Variants in AGAP1 observed in about 807,000 individuals in gnomAD.
AGAP1 encodes the protein ArfGAP with GTPase domain, ankyrin repeat and PH domain 1.
In AGAP1, 29 loss-of-function variants were observed where a neutral mutation model predicts 105.3. That is an observed-to-expected ratio of 0.28 (90% CI 0.21 to 0.38). The LOEUF (loss-of-function observed/expected upper bound fraction) is 0.38, where lower values mean the gene tolerates loss of function less well. AGAP1 is among the 10% of genes least tolerant of loss of function. The pLI is 1.00. For missense variants in AGAP1, 998 were observed against 1,165.1 expected, an observed-to-expected ratio of 0.86 and a Z score of 2.09; for synonymous variants, 509 against 485.9, an observed-to-expected ratio of 1.05 and a Z score of -0.63.
chr2:235,998,455 C>T (rs1030593062), intron 13 of AGAP1, among the ~76,000 whole-genome samples: 3 of 152,128 alleles, frequency 2.0e-5, no homozygotes, highest in Non-Finnish European at 2.9e-5. Flanking sequence ...CCCTATCTTA[C>T]CCCTGAAAGC....
At position 235,620,211 on chromosome 2, in the gene AGAP1, C is replaced by G. The variant is rs185113816; in HGVS notation, c.164-88968C>G. On this transcript the variant is annotated intron_variant, in intron 1 of 17. Coordinates refer to ENST00000304032, the MANE Select transcript of AGAP1 (RefSeq NM_001037131.3). This position sits in a 1 kb window ranked among gnomAD's most constrained non-coding sequence, Gnocchi z 4.5. Reference sequence around the variant, plus strand: ...GCTGGGCTGTGCCTTCAAAGTATATCCAGGATGCAGTGGCTTCCTGAGCCA... The same window carrying G: ...GCTGGGCTGTGCCTTCAAAGTATATGCAGGATGCAGTGGCTTCCTGAGCCA... Among the ~76,000 whole-genome samples the G allele has an allele frequency of 1.6e-3, 248 of 152,302 alleles. No homozygotes were observed. The highest frequency in any genetic ancestry group is 2.5e-3 in the Non-Finnish European group (172 of 68,030).
At chr2:235,834,503 C>T (rs1959880366) in intron 9 of AGAP1, among the ~76,000 whole-genome samples, 1 of 152,234 alleles carries the variant, frequency 6.6e-6, no homozygotes, top group South Asian at 2.1e-4. Flanking sequence ...AGCAGGAGGG[C>T]AGAGCCCTGT....
At position 235,553,643 on chromosome 2, in the gene AGAP1, G is replaced by A. The variant is rs181199675; in HGVS notation, c.163+58794G>A. ...CCTGGTCCCTGGTGACCCAGGTACAGTTTACGTCTGGAGCCAGCATTTGGA... is the reference window on the plus strand; with the variant it reads ...CCTGGTCCCTGGTGACCCAGGTACAATTTACGTCTGGAGCCAGCATTTGGA... On this transcript the variant is annotated intron_variant, in intron 1 of 17. Coordinates refer to ENST00000304032, the MANE Select transcript of AGAP1 (RefSeq NM_001037131.3). The surrounding 1 kb of genome is among the most constrained non-coding windows in gnomAD (Gnocchi z 4.5). 1.3e-4 allele frequency among the ~76,000 whole-genome samples: 20 copies of A among 152,182 alleles called. No homozygotes were observed. The highest frequency in any genetic ancestry group is 4.3e-4 in the African/African-American group (18 of 41,510).
chr2:235,833,785 C>G (rs1959756885), intron 9 of AGAP1, among the ~76,000 whole-genome samples: 1 of 150,898 alleles, frequency 6.6e-6, no homozygotes, highest in Non-Finnish European at 1.5e-5. Context: ...TTTATGAATA[C>G]ATGTGTATAA....
chr2:235,501,232 A>C (rs1426861223), intron 1 of AGAP1, among the ~76,000 whole-genome samples: 1 of 152,192 alleles, frequency 6.6e-6, no homozygotes, highest in African/African-American at 2.4e-5. Context: ...GACATTGCCA[A>C]GAGAATCTGG....
rs564961909 is a variant in AGAP1 at position 235,690,777 on chromosome 2, C to A, written c.164-18402C>A. 1.4e-4 allele frequency among the ~76,000 whole-genome samples: 21 copies of A among 152,212 alleles called. No individual in the cohort carries two copies. Among genetic ancestry groups the A allele is most frequent in the African/African-American group, 4.8e-4 (20 of 41,546 alleles). On this transcript the variant is annotated intron_variant, in intron 1 of 17. Transcript: ENST00000304032. The surrounding 1 kb of genome is among the most constrained non-coding windows in gnomAD (Gnocchi z 4.1). ...TTTTTGTTGCTTTTACGGTTATCTT[C>A]GGGTAAAGTCATTGTGTTTCTTCTT...
In AGAP1 at chr2:235,883,601, T is replaced by C. The variant is rs748500162; in HGVS notation, c.1155+152T>C. On this transcript the variant is annotated intron_variant, in intron 10 of 17. Coordinates refer to ENST00000304032, the MANE Select transcript of AGAP1 (RefSeq NM_001037131.3). This position sits in a 1 kb window ranked among gnomAD's most constrained non-coding sequence, Gnocchi z 4.5. Reference sequence around the variant, plus strand: ...CTCAACTGTGAGATAAATAACCCTGTTCCTCACACTCCACTAGACCATATG... The same window carrying C: ...CTCAACTGTGAGATAAATAACCCTGCTCCTCACACTCCACTAGACCATATG... 1.6e-6 allele frequency: 1 copy of C among 613,698 alleles called. No individual in the cohort carries two copies. Among genetic ancestry groups the C allele is most frequent in the Non-Finnish European group, 2.9e-6 (1 of 346,674 alleles). 38.0% of individuals were successfully genotyped at this position (613,698 alleles called of 1,614,324 possible).
At chr2:235,681,801 C>T (rs970766707) in intron 1 of AGAP1, among the ~76,000 whole-genome samples, 4 of 147,594 alleles carry the variant, frequency 2.7e-5, no homozygotes, top group South Asian at 2.2e-4. Context: ...CTGTTTTTCA[C>T]GTGTGTATAC....
chr2:235,975,258 T>C (rs1284301026), intron 13 of AGAP1, among the ~76,000 whole-genome samples: 4 of 152,126 alleles, frequency 2.6e-5, no homozygotes, highest in African/African-American at 9.7e-5. Flanking sequence ...ACCTGAGGAC[T>C]TTTTTTTATT....
At chr2:235,949,005 G>A (rs780880819) in intron 12 of AGAP1, among the ~76,000 whole-genome samples, 6 of 152,168 alleles carry the variant, frequency 3.9e-5, no homozygotes, top group Admixed American at 6.5e-5. Context: ...TAGATTAAGC[G>A]AATTATAATT....
Position 235,642,627 on chromosome 2 carries a change from G to A in AGAP1, c.164-66552G>A, listed in dbSNP as rs1017777048. ...CACCCTGGAAGGCAGGCCAGCCTCC[G>A]CTCTCCACACCAGCTTGGGGATGAA... On this transcript the variant is annotated intron_variant, in intron 1 of 17. Transcript: ENST00000304032. This position sits in a 1 kb window ranked among gnomAD's most constrained non-coding sequence, Gnocchi z 4.1. Among the ~76,000 whole-genome samples the A allele has an allele frequency of 1.3e-5, 2 of 152,104 alleles. No homozygotes were observed. Among genetic ancestry groups the A allele is most frequent in the East Asian group, 1.9e-4 (1 of 5,180 alleles).
Position 236,097,741 on chromosome 2 carries a change from C to T in AGAP1, c.2115-22451C>T, listed in dbSNP as rs1454780567. On this transcript the variant is annotated intron_variant, in intron 16 of 17. Coordinates refer to ENST00000304032, the MANE Select transcript of AGAP1 (RefSeq NM_001037131.3). ...AGTGGTGCTCAGTACATTGACATTG[C>T]TGCGCAACCATCACGACCATCCATC... Among the ~76,000 whole-genome samples, 4 of 152,108 alleles carry T rather than the reference C, an allele frequency of 2.6e-5. No individual in the cohort carries two copies. The East Asian group carries it at 7.7e-4, about 29-fold the overall frequency.
chr2:235,639,189 A>G lies in AGAP1; in HGVS notation c.164-69990A>G, dbSNP rs1947110969. On this transcript the variant is annotated intron_variant, in intron 1 of 17. Coordinates refer to ENST00000304032, the MANE Select transcript of AGAP1 (RefSeq NM_001037131.3). This position sits in a 1 kb window ranked among gnomAD's most constrained non-coding sequence, Gnocchi z 5.3. ...ATGATAGTGGCCCACAGGTTGAGAG[A>G]GGGGATGGGTTCAGCTTTGGCCATG... Among the ~76,000 whole-genome samples the G allele has an allele frequency of 1.3e-5, 2 of 152,042 alleles. No homozygotes were observed. The highest frequency in any genetic ancestry group is 4.8e-5 in the African/African-American group (2 of 41,394).
rs767177040 is a variant in AGAP1, at chr2:235,864,066, A to C, written c.1051-19279A>C. 2.0e-5 allele frequency among the ~76,000 whole-genome samples: 3 copies of C among 152,240 alleles called. No homozygotes were observed. The highest frequency in any genetic ancestry group is 6.5e-5 in the Admixed American group (1 of 15,294). ...GCCTGGTGTGCTCGGTTTTGACTCTATAGATCTGACTTGAATGCGCAAGCG... is the reference window on the plus strand; with the variant it reads ...GCCTGGTGTGCTCGGTTTTGACTCTCTAGATCTGACTTGAATGCGCAAGCG... On this transcript the variant is annotated intron_variant, in intron 9 of 17. Transcript: ENST00000304032. This position sits in a 1 kb window ranked among gnomAD's most constrained non-coding sequence, Gnocchi z 5.0.
At chr2:236,039,463 C>G (rs1419521555) in intron 14 of AGAP1, among the ~76,000 whole-genome samples, 1 of 152,064 alleles carries the variant, frequency 6.6e-6, no homozygotes, top group Admixed American at 6.6e-5. Flanking sequence ...AGGTACATAT[C>G]CAGTACATAT....
chr2:235,619,520 G>C (rs1213764825), intron 1 of AGAP1, among the ~76,000 whole-genome samples: 1 of 151,522 alleles, frequency 6.6e-6, no homozygotes, highest in Non-Finnish European at 1.5e-5. Context: ...CTGAAGTGGG[G>C]GAGCTGGGAT....
In AGAP1 at chr2:236,124,506, T is replaced by G. The variant is rs2059972951; in HGVS notation, c.*384T>G. The G allele has an allele frequency of 3.5e-6, 1 of 286,000 alleles. No individual in the cohort carries two copies. Among genetic ancestry groups the G allele is most frequent in the African/African-American group, 2.2e-5 (1 of 45,830 alleles). 17.7% of individuals were successfully genotyped at this position (286,000 alleles called of 1,614,324 possible). ...GGGGCAACTTTCCTTAACTGGCAGTTGAGCACATAGTACATTTCCCCTCTA... is the reference window on the plus strand; with the variant it reads ...GGGGCAACTTTCCTTAACTGGCAGTGGAGCACATAGTACATTTCCCCTCTA... On this transcript the variant is annotated 3_prime_UTR_variant, in exon 18 of 18. Coordinates refer to ENST00000304032, the MANE Select transcript of AGAP1 (RefSeq NM_001037131.3). The surrounding 1 kb of genome is among the most constrained non-coding windows in gnomAD (Gnocchi z 5.1).
At chr2:235,892,660 C>T (rs1193832597) in intron 10 of AGAP1, among the ~76,000 whole-genome samples, 1 of 151,944 alleles carries the variant, frequency 6.6e-6, no homozygotes, top group Non-Finnish European at 1.5e-5. Flanking sequence ...TGTAAATACA[C>T]GAATTCCTCA....
chr2:235,593,820 T>C (rs921472196), intron 1 of AGAP1, among the ~76,000 whole-genome samples: 2 of 151,898 alleles, frequency 1.3e-5, no homozygotes, highest in Non-Finnish European at 2.9e-5. Flanking sequence ...AATACAAAAA[T>C]TAGCTGGGCA....
Sources: gnomAD v4.1 joint callset for allele counts (sites outside exome capture counted in the v4.1 genomes callset) on GRCh38, gnomAD v4.1.1 for gene constraint, Gnocchi (gnomAD v3.1) non-coding constraint, MANE v1.5 for transcripts, NCBI Gene and HGNC (gene_info 2026-07-23, HGNC 2026-07-21) for gene names.